The following FOXP1 variants were observed in gnomAD, a reference collection of about 807,000 sequenced individuals.
FOXP1 encodes the protein forkhead box P1, also known as forkhead box protein P1.
Under a neutral mutation model 98.2 loss-of-function variants are expected in FOXP1, and 15 were observed. That is an observed-to-expected ratio of 0.15 (90% confidence interval 0.10 to 0.24). FOXP1 has a LOEUF of 0.24. FOXP1 is among the 10% of genes least tolerant of loss of function. The pLI is 1.00. For missense variants in FOXP1, 633 were observed against 848.5 expected, an observed-to-expected ratio of 0.75 and a Z score of 3.15; for synonymous variants, 371 against 314.5, an observed-to-expected ratio of 1.18 and a Z score of -1.90.
chr3:71,067,972 C>T (rs1461804744), intron 7 of FOXP1, among the ~76,000 whole-genome samples: 1 of 127,232 alleles, frequency 7.9e-6, no homozygotes, highest in Non-Finnish European at 1.6e-5. Flanking sequence ...CAAGAGGAAG[C>T]AGATACTGGA....
chr3:70,978,077 C>T lies in FOXP1; in HGVS notation c.1147-48G>A, dbSNP rs1230013096. On this transcript the variant is annotated intron_variant, in intron 14 of 20. Transcript: ENST00000649528. ...TTAGAAGACCTTCAGAAAACCAGAG[C>T]AACCCAGGAACCACATCTAGCAGGA... The T allele has an allele frequency of 7.6e-5, 116 of 1,525,874 alleles. No individual in the cohort carries two copies. The Admixed American group carries it at 1.7e-3, about 22-fold the overall frequency. The allele number at this position is 1,525,874 out of a possible 1,614,324, so 94.5% of individuals were successfully genotyped here. A position where few individuals can be genotyped will look rare whatever the true frequency, so the allele number is the denominator to read the frequency against.
chr3:71,146,715 A>G (rs2060325422), intron 6 of FOXP1, among the ~76,000 whole-genome samples: 1 of 152,182 alleles, frequency 6.6e-6, no homozygotes, highest in Admixed American at 6.5e-5. Context: ...AAATATCAAC[A>G]CTAGGACTGT....
chr3:70,978,825 A>AT (rs944985421), intron 14 of FOXP1, among the ~76,000 whole-genome samples: 15 of 152,066 alleles, frequency 9.9e-5, no homozygotes, highest in African/African-American at 3.1e-4. Context: ...GGATCTGTTA[A>AT]TTTTTTTTAT....
chr3:71,018,348 C>T (rs529714783), intron 11 of FOXP1, among the ~76,000 whole-genome samples: 2 of 152,286 alleles, frequency 1.3e-5, no homozygotes, highest in South Asian at 2.1e-4. Context: ...TCGTCACACA[C>T]GGGTACAATT....
intron 5 of FOXP1, among the ~76,000 whole-genome samples, chr3:71,204,659 G>A (rs1442730425): frequency 4.6e-5 from 7 of 152,174 alleles, no homozygotes; most frequent in Non-Finnish European, 1.0e-4. Context: ...GATGACAAAT[G>A]AGACTTAGTG....
At chr3:71,411,564 C>T (rs1218166342) in intron 3 of FOXP1, among the ~76,000 whole-genome samples, 1 of 152,128 alleles carries the variant, frequency 6.6e-6, no homozygotes, top group African/African-American at 2.4e-5. Flanking sequence ...CCTCGTGATC[C>T]ACCCGCCCTG....
At chr3:71,134,896 G>A (rs1448101409) in intron 6 of FOXP1, among the ~76,000 whole-genome samples, 1 of 152,106 alleles carries the variant, frequency 6.6e-6, no homozygotes, top group African/African-American at 2.4e-5. Context: ...AAAAATAACT[G>A]CATAGAACTT....
intron 2 of FOXP1, among the ~76,000 whole-genome samples, chr3:71,562,119 T>A (rs139965958): frequency 6.6e-6 from 1 of 152,162 alleles, no homozygotes; most frequent in Non-Finnish European, 1.5e-5. Context: ...TCCTCCGAGC[T>A]GTCAAGAAAT....
chr3:71,060,674 G>T (rs1347047776), intron 7 of FOXP1, among the ~76,000 whole-genome samples: 1 of 152,122 alleles, frequency 6.6e-6, no homozygotes, highest in Non-Finnish European at 1.5e-5. Flanking sequence ...ACATCAAATA[G>T]AATTGGGAAG....
intron 14 of FOXP1, among the ~76,000 whole-genome samples, chr3:70,985,699 T>C (rs970811441): frequency 2.6e-5 from 4 of 152,086 alleles, no homozygotes; most frequent in Non-Finnish European, 5.9e-5. Context: ...TTTTTTTTTT[T>C]CAAAGGGTAA....
intron 12 of FOXP1, among the ~76,000 whole-genome samples, chr3:71,007,117 A>C (rs1479123552): frequency 1.3e-5 from 2 of 152,138 alleles, no homozygotes; most frequent in African/African-American, 4.8e-5. Context: ...AGGGGGAAAA[A>C]ATTTTTTTTG....
chr3:71,145,146 T>C (rs1264713634), intron 6 of FOXP1, among the ~76,000 whole-genome samples: 3 of 152,220 alleles, frequency 2.0e-5, no homozygotes, highest in African/African-American at 7.2e-5. Flanking sequence ...CCTTAGCCTA[T>C]AGGTTTTTGT....
intron 5 of FOXP1, among the ~76,000 whole-genome samples, chr3:71,205,348 T>C: frequency 6.6e-6 from 1 of 152,196 alleles, no homozygotes; most frequent in East Asian, 1.9e-4. Flanking sequence ...TGTAACACCA[T>C]AAATTATGCA....
chr3:71,167,780 G>A (rs975493889), intron 6 of FOXP1, among the ~76,000 whole-genome samples: 1 of 152,088 alleles, frequency 6.6e-6, no homozygotes, highest in African/African-American at 2.4e-5. Flanking sequence ...AGCCTCTGGC[G>A]GTCCATGGGT....
intron 3 of FOXP1, among the ~76,000 whole-genome samples, chr3:71,485,123 T>C (rs760269296): frequency 2.0e-5 from 3 of 152,188 alleles, no homozygotes; most frequent in Non-Finnish European, 4.4e-5. Context: ...AATTAAATTA[T>C]ACTGGCAGCT....
At chr3:71,127,916 T>C (rs1419297971) in intron 6 of FOXP1, among the ~76,000 whole-genome samples, 1 of 152,204 alleles carries the variant, frequency 6.6e-6, no homozygotes. Context: ...ACTGCTTCCA[T>C]CCTTGTCTTC....
rs538007691 is a variant in FOXP1, at chr3:71,232,980, C to A, written c.-11-34588G>T. Among the ~76,000 whole-genome samples the A allele has an allele frequency of 3.2e-3, 471 of 149,040 alleles. 3 individuals carry two copies. Among genetic ancestry groups the A allele is most frequent in the South Asian group, 0.031 (142 of 4,566 alleles). ...ACCACCACGACTACTACTACTACTA[C>A]TACTAATAATAATAAAAACATAAGC... On this transcript the variant is annotated intron_variant, in intron 5 of 20. Coordinates refer to ENST00000649528, the MANE Select transcript of FOXP1 (RefSeq NM_001349338.3).
At chr3:71,156,981 A>T (rs1338592744) in intron 6 of FOXP1, among the ~76,000 whole-genome samples, 1 of 152,228 alleles carries the variant, frequency 6.6e-6, no homozygotes, top group Non-Finnish European at 1.5e-5. Flanking sequence ...ACTAAAGAAA[A>T]GCCAGTTTCA....
intron 6 of FOXP1, among the ~76,000 whole-genome samples, chr3:71,133,133 T>C (rs1291754103): frequency 6.6e-6 from 1 of 152,200 alleles, no homozygotes; most frequent in Non-Finnish European, 1.5e-5. Flanking sequence ...TTATACATTA[T>C]AAAATATGTT....
Sources: allele counts gnomAD v4.1 joint callset (sites outside exome capture counted in the v4.1 genomes callset), GRCh38; gene constraint gnomAD v4.1.1; transcripts MANE v1.5; gene names NCBI Gene and HGNC (gene_info 2026-07-23, HGNC 2026-07-21).